The following PTGS1 variants were observed in gnomAD, a reference collection of about 807,000 sequenced individuals.
PTGS1 encodes prostaglandin G/H synthase 1.
Under a neutral mutation model 63.0 loss-of-function variants are expected in PTGS1, and 40 were observed. The observed-to-expected ratio is 0.63, with a 90% CI of 0.49 to 0.83. PTGS1 has a LOEUF of 0.83. PTGS1 is among the 40% of genes least tolerant of loss of function. The pLI is 0.00. For synonymous variants in PTGS1, 298 were observed against 301.9 expected, an observed-to-expected ratio of 0.99 and a Z score of 0.13; for missense variants, 709 against 786.5, an observed-to-expected ratio of 0.90 and a Z score of 1.18.
At chr9:122,390,635 C>T (rs1328187496) in intron 10 of PTGS1, among the ~76,000 whole-genome samples, 1 of 152,082 alleles carries the variant, frequency 6.6e-6, no homozygotes, top group South Asian at 2.1e-4. Flanking sequence ...AGGTGGCTCG[C>T]GCCTGTAATC....
At chr9:122,375,584 CG>C (rs1837088044) in intron 2 of PTGS1, 8 of 764,240 alleles carry the variant, frequency 1.0e-5, no homozygotes, top group Non-Finnish European at 1.1e-5. Flanking sequence ...TTAAGGGAAG[CG>C]GGGGTCCCTT....
rs1588141594 is a variant in PTGS1, at chr9:122,390,221, C to G, written c.1320C>G (p.Asp440Glu). ...AGATCGGTGGGGGCAGGAACATGGACCACCACATCCTGCATGTGGCTGTGG... is the reference window on the plus strand; with the variant it reads ...AGATCGGTGGGGGCAGGAACATGGAGCACCACATCCTGCATGTGGCTGTGG... ...AGRIGGGRNM[D>E]HHILHVAVDV... Residue 440 changes from aspartate (D) to glutamate (E), a missense_variant, in exon 10 of 11, where the codon GAC (aspartate) becomes GAG (glutamate). Transcript: ENST00000362012. The G allele has an allele frequency of 6.2e-7, 1 of 1,613,966 alleles. No homozygotes were observed. The highest frequency in any genetic ancestry group is 2.2e-5 in the East Asian group (1 of 44,866).
upstream of PTGS1, chr9:122,370,790 G>C (rs1286859885): frequency 1.0e-5 from 6 of 587,612 alleles, no homozygotes; most frequent in Admixed American, 3.0e-5. Context: ...ATTGAGCATC[G>C]TCTCTGAGCC....
At chr9:122,377,831 A>G (rs771591650) in intron 2 of PTGS1, 68 bp from the exon 3 acceptor site, 8 of 1,379,346 alleles carry the variant, frequency 5.8e-6, no homozygotes, top group Non-Finnish European at 8.2e-6. Flanking sequence ...TCATTCCCCC[A>G]TCAGGGGCTA....
intron 10 of PTGS1, among the ~76,000 whole-genome samples, chr9:122,391,763 G>A (rs1838301007): frequency 6.6e-6 from 1 of 151,978 alleles, no homozygotes; most frequent in African/African-American, 2.4e-5. Context: ...GTGTGAGCTC[G>A]GACATGTTAC....
chr9:122,393,387 G>T lies in PTGS1; in HGVS notation c.*843G>T, dbSNP rs1761831330. 6.6e-6 allele frequency: 1 copy of T among 152,242 alleles called. No individual in the cohort carries two copies. Among genetic ancestry groups the T allele is most frequent in the Non-Finnish European group, 1.5e-5 (1 of 68,076 alleles). The allele number at this position is 152,242 out of a possible 1,614,324, so 9.4% of individuals were successfully genotyped here. ...TAGCCTTTCTTGTAGCCATGGCTGG[G>T]CGTGCTAGAGGTTGCAGCATGAGAC... is the stretch of plus-strand genomic sequence containing the variant. On this transcript the variant is annotated 3_prime_UTR_variant, in exon 11 of 11. Transcript: ENST00000362012.
chr9:122,375,828 C>T (rs955218646), intron 2 of PTGS1, among the ~76,000 whole-genome samples: 5 of 152,096 alleles, frequency 3.3e-5, no homozygotes, highest in Non-Finnish European at 5.9e-5. Flanking sequence ...TGGAGCTGCA[C>T]GGACCTCTGG....
rs143192756 is a variant in PTGS1 at position 122,375,488 on chromosome 9, C to T, written c.95-2411C>T. 6.1e-4 allele frequency: 604 copies of T among 985,396 alleles called. 1 individual carries two copies. Among genetic ancestry groups the T allele is most frequent in the Admixed American group, 3.4e-3 (55 of 16,296 alleles). 61.0% of individuals were successfully genotyped at this position (985,396 alleles called of 1,614,324 possible). On this transcript the variant is annotated intron_variant, in intron 2 of 10. Coordinates refer to ENST00000362012, the MANE Select transcript of PTGS1 (RefSeq NM_000962.4). ...TCATTTTATTTATTCCACAAACATT[C>T]GTTAAGCTCTGGCTACCACATCTGG... is the stretch of plus-strand genomic sequence containing the variant.
At chr9:122,378,346 C>T (rs1837303540) in intron 3 of PTGS1, 87 bp from the exon 4 acceptor site, 1 of 1,575,104 alleles carries the variant, frequency 6.3e-7, no homozygotes, top group Non-Finnish European at 8.6e-7. Flanking sequence ...CCACCCTGGC[C>T]CTTGTCCTCA....
In PTGS1 at chr9:122,375,424, C is replaced by T. The variant is rs998563891; in HGVS notation, c.95-2475C>T. On this transcript the variant is annotated intron_variant, in intron 2 of 10. Transcript: ENST00000362012. The stretch of plus-strand genomic sequence containing the variant: ...TGTTGAGGGCCTGGAAGATGAGGGA[C>T]TCCTTTTGGTCAGGCTGGAGGTGAC... 6 of 985,362 alleles carry T rather than the reference C, an allele frequency of 6.1e-6. No individual in the cohort carries two copies. In the African/African-American group the frequency reaches 8.7e-5, roughly 14 times the overall value. The allele number at this position is 985,362 out of a possible 1,614,324, so 61.0% of individuals were successfully genotyped here. A position where few individuals can be genotyped will look rare whatever the true frequency, so the allele number is the denominator to read the frequency against.
chr9:122,383,367 ATT>A, intron 7 of PTGS1, 140 bp from the exon 8 acceptor site: 1 of 1,154,520 alleles, frequency 8.7e-7, no homozygotes. Flanking sequence ...CAGGGGACTG[ATT>A]TTAAGAGACA....
At chr9:122,376,680 G>T (rs763545140) in intron 2 of PTGS1, among the ~76,000 whole-genome samples, 2 of 152,186 alleles carry the variant, frequency 1.3e-5, no homozygotes, top group Non-Finnish European at 2.9e-5. Flanking sequence ...TATGTTTGCA[G>T]AAAGGAGCCC....
At chr9:122,389,677 G>A (rs916887281) in intron 9 of PTGS1, among the ~76,000 whole-genome samples, 5 of 152,122 alleles carry the variant, frequency 3.3e-5, no homozygotes, top group Non-Finnish European at 7.4e-5. Context: ...GGAAGCTGCC[G>A]GATGTGGTGG....
intron 2 of PTGS1, among the ~76,000 whole-genome samples, chr9:122,376,854 C>A (rs1330646041): frequency 6.6e-6 from 1 of 152,130 alleles, no homozygotes; most frequent in East Asian, 1.9e-4. Flanking sequence ...TCCTACTGAA[C>A]CTGAGGAGTC....
At chr9:122,370,765 C>T (rs1233480540), upstream of PTGS1, 4 of 568,652 alleles carry the variant, frequency 7.0e-6, no homozygotes, top group African/African-American at 7.5e-5. Flanking sequence ...TCCCTAAGCC[C>T]TGGGTGACCT....
At chr9:122,371,941 G>A in intron 2 of PTGS1, 1 of 869,452 alleles carries the variant, frequency 1.2e-6, no homozygotes, top group Middle Eastern at 3.4e-4. Flanking sequence ...ACAGAAAGCT[G>A]CTTCTACCCA....
rs201756094 is a variant in PTGS1 at position 122,395,077 on chromosome 9, C to G, written c.*2533C>G. 6.6e-6 allele frequency: 1 copy of G among 152,480 alleles called. No homozygotes were observed. Among genetic ancestry groups the G allele is most frequent in the African/African-American group, 2.4e-5 (1 of 41,440 alleles). 9.4% of individuals were successfully genotyped at this position (152,480 alleles called of 1,614,324 possible). ...CAGGAAGGACAGGAAGCTGGCAGAACGGAGGAGGCTGCAGCCGTGGTCCAA... is the reference window on the plus strand; with the variant it reads ...CAGGAAGGACAGGAAGCTGGCAGAAGGGAGGAGGCTGCAGCCGTGGTCCAA... On this transcript the variant is annotated 3_prime_UTR_variant, in exon 11 of 11. Transcript: ENST00000362012.
rs1283535962 is a variant in PTGS1, at chr9:122,371,956, G to GT, written c.94+684_94+685insT. On this transcript the variant is annotated intron_variant, in intron 2 of 10. Coordinates refer to ENST00000362012, the MANE Select transcript of PTGS1 (RefSeq NM_000962.4). ...ACAGAAAGCTGCTTCTACCCACAAT[G>GT]GACCCGGAGCCACTCTGGGTTTCAT... is the stretch of plus-strand genomic sequence containing the variant. 13 of 738,510 alleles carry GT rather than the reference G, an allele frequency of 1.8e-5. No individual in the cohort carries two copies. In the African/African-American group the frequency reaches 2.1e-4, roughly 12 times the overall value. 45.7% of individuals were successfully genotyped at this position (738,510 alleles called of 1,614,324 possible).
chr9:122,391,886 G>T (rs1431350339), intron 10 of PTGS1, among the ~76,000 whole-genome samples: 1 of 152,048 alleles, frequency 6.6e-6, no homozygotes, highest in Non-Finnish European at 1.5e-5. Context: ...AGGTAATTAG[G>T]GCCCAGAGTT....
Sources: allele counts gnomAD v4.1 joint callset (sites outside exome capture counted in the v4.1 genomes callset), GRCh38; gene constraint gnomAD v4.1.1; transcripts MANE v1.5; gene names NCBI Gene and HGNC (gene_info 2026-07-23, HGNC 2026-07-21).